NIPAL2: variants seen among roughly 807,000 people sequenced by gnomAD.
NIPAL2 encodes the protein NIPA like domain containing 2, also known as NIPA-like protein 2.
NIPAL2 carries 43 observed loss-of-function variants against 48.9 expected under a neutral mutation model. That is an observed-to-expected ratio of 0.88 (90% CI 0.69 to 1.13). The LOEUF (loss-of-function observed/expected upper bound fraction) is 1.13, where lower values mean the gene tolerates loss of function less well. Among genes scored for constraint, NIPAL2 ranks in the 50% most tolerant of loss-of-function variants. The pLI is 0.00. For synonymous variants in NIPAL2, 167 were observed against 174.6 expected, an observed-to-expected ratio of 0.96 and a Z score of 0.34; for missense variants, 446 against 461.4, an observed-to-expected ratio of 0.97 and a Z score of 0.31.
chr8:98,291,380 T>C (rs1176212937), intron 1 of NIPAL2, among the ~76,000 whole-genome samples: 1 of 152,168 alleles, frequency 6.6e-6, no homozygotes, highest in Non-Finnish European at 1.5e-5. Context: ...TGCCTATCAA[T>C]GAAACCCTGT....
At chr8:98,226,219 G>A (rs149414183) in intron 4 of NIPAL2, among the ~76,000 whole-genome samples, 154 of 152,220 alleles carry the variant, frequency 1.0e-3, no homozygotes, top group African/African-American at 3.4e-3. Flanking sequence ...GGCCCCTGGT[G>A]ACTTATTTAG....
intron 1 of NIPAL2, among the ~76,000 whole-genome samples, chr8:98,292,184 C>T (rs751549965): frequency 3.3e-4 from 50 of 152,198 alleles, no homozygotes; most frequent in Non-Finnish European, 6.2e-4. Context: ...ATATCTCACA[C>T]TTTGTTTTTC....
chr8:98,262,356 C>G (rs1215887338), intron 1 of NIPAL2, among the ~76,000 whole-genome samples: 1 of 147,858 alleles, frequency 6.8e-6, no homozygotes, highest in Admixed American at 6.7e-5. Context: ...GAGTCAAGAC[C>G]CATCAGTGTG....
chr8:98,247,784 T>C (rs566961178), intron 3 of NIPAL2, among the ~76,000 whole-genome samples: 2 of 152,226 alleles, frequency 1.3e-5, no homozygotes, highest in Non-Finnish European at 2.9e-5. Flanking sequence ...GGAAGGCCTC[T>C]TGAGCAAGGG....
intron 3 of NIPAL2, 157 bp from the exon 4 acceptor site, chr8:98,236,371 C>A (rs1407533176): frequency 3.8e-6 from 2 of 529,770 alleles, no homozygotes; most frequent in Admixed American, 4.0e-5. Flanking sequence ...GCCTTTCTTC[C>A]CCCTGTGGCT....
At chr8:98,215,137 T>C (rs1456404573) in intron 5 of NIPAL2, among the ~76,000 whole-genome samples, 1 of 152,248 alleles carries the variant, frequency 6.6e-6, no homozygotes, top group Non-Finnish European at 1.5e-5. Flanking sequence ...TCGATTCTCA[T>C]GCTGATTATT....
intron 4 of NIPAL2, among the ~76,000 whole-genome samples, chr8:98,232,738 G>A (rs1441060304): frequency 7.2e-6 from 1 of 139,698 alleles, no homozygotes; most frequent in African/African-American, 2.7e-5. Context: ...TGATACTAAA[G>A]ACTCACCCTA....
chr8:98,272,405 A>G (rs901214330), intron 1 of NIPAL2, among the ~76,000 whole-genome samples: 5 of 152,134 alleles, frequency 3.3e-5, no homozygotes, highest in Non-Finnish European at 7.4e-5. Flanking sequence ...TCATAGACTG[A>G]GGTGTGGAAA....
chr8:98,192,709 C>T lies in NIPAL2; in HGVS notation c.*269G>A, dbSNP rs1232651000. Reference sequence around the variant, plus strand: ...TGTGCAACATTCCTGCTAGAGCAGCCGGGCTCTGAGTAAGGTGTAGCTGGC... The same window carrying T: ...TGTGCAACATTCCTGCTAGAGCAGCTGGGCTCTGAGTAAGGTGTAGCTGGC... On this transcript the variant is annotated 3_prime_UTR_variant, in exon 11 of 11. Coordinates refer to ENST00000430223, the MANE Select transcript of NIPAL2 (RefSeq NM_001321635.2). The T allele has an allele frequency of 2.8e-5, 12 of 432,526 alleles. No homozygotes were observed. The highest frequency in any genetic ancestry group is 7.8e-5 in the African/African-American group (4 of 51,254). 26.8% of individuals were successfully genotyped at this position (432,526 alleles called of 1,614,324 possible). A position where few individuals can be genotyped will look rare whatever the true frequency, so the allele number is the denominator to read the frequency against.
Position 98,292,673 on chromosome 8 carries a change from T to C in NIPAL2, c.135+1330A>G, listed in dbSNP as rs556308408. On this transcript the variant is annotated intron_variant, in intron 1 of 10. Transcript: ENST00000430223. ...AAGAAAACTAATGACTACAGAGGTT[T>C]CCACTGTGAAAACAATGTCCTGTTT... 1.1e-4 allele frequency among the ~76,000 whole-genome samples: 17 copies of C among 151,660 alleles called. No homozygotes were observed. The East Asian group carries it at 1.5e-3, about 14-fold the overall frequency.
chr8:98,217,982 G>C (rs1811658408), intron 5 of NIPAL2, among the ~76,000 whole-genome samples: 1 of 152,156 alleles, frequency 6.6e-6, no homozygotes, highest in Non-Finnish European at 1.5e-5. Flanking sequence ...TTTAAGAGTT[G>C]ATTTTGGAAA....
chr8:98,215,061 C>A (rs116950920), intron 5 of NIPAL2, among the ~76,000 whole-genome samples: 1 of 152,178 alleles, frequency 6.6e-6, no homozygotes, highest in African/African-American at 2.4e-5. Context: ...GCGTTTGGGC[C>A]GCTGTATTTG....
intron 5 of NIPAL2, among the ~76,000 whole-genome samples, chr8:98,219,940 G>A (rs1811766988): frequency 6.6e-6 from 1 of 152,156 alleles, no homozygotes; most frequent in African/African-American, 2.4e-5. Context: ...AGCTAAGGAA[G>A]TGGACAGGGC....
intron 1 of NIPAL2, among the ~76,000 whole-genome samples, chr8:98,282,352 G>A (rs539931104): frequency 9.5e-4 from 145 of 152,282 alleles, no homozygotes; most frequent in African/African-American, 3.5e-3. Flanking sequence ...AACTAGAGAA[G>A]GATAAGTCCA....
intron 5 of NIPAL2, among the ~76,000 whole-genome samples, chr8:98,214,626 C>T (rs753589345): frequency 6.2e-4 from 94 of 152,098 alleles, no homozygotes; most frequent in South Asian, 1.2e-3. Context: ...CTACCTACAA[C>T]GCCCTCTCTA....
chr8:98,225,691 T>A (rs1812140004), intron 4 of NIPAL2, among the ~76,000 whole-genome samples: 1 of 152,154 alleles, frequency 6.6e-6, no homozygotes, highest in East Asian at 1.9e-4. Context: ...TTGGGTTAAA[T>A]CTGCTCGGTG....
intron 1 of NIPAL2, among the ~76,000 whole-genome samples, chr8:98,267,152 G>C (rs940536215): frequency 6.6e-6 from 1 of 152,080 alleles, no homozygotes; most frequent in African/African-American, 2.4e-5. Flanking sequence ...GAAAATATTT[G>C]TAAGATGTAG....
In NIPAL2 at chr8:98,192,038, A is replaced by G. The variant is rs758513813; in HGVS notation, c.*940T>C. ...AATTTAAATGTGATTTTTTAGACTT[A>G]TATGGAGAATAAGACATATAAATCC... On this transcript the variant is annotated 3_prime_UTR_variant, in exon 11 of 11. Coordinates refer to ENST00000430223, the MANE Select transcript of NIPAL2 (RefSeq NM_001321635.2). The G allele has an allele frequency of 9.9e-5, 15 of 152,192 alleles. No individual in the cohort carries two copies. The highest frequency in any genetic ancestry group is 2.1e-4 in the Non-Finnish European group (14 of 68,048). 9.4% of individuals were successfully genotyped at this position (152,192 alleles called of 1,614,324 possible). A position where few individuals can be genotyped will look rare whatever the true frequency, so the allele number is the denominator to read the frequency against.
At chr8:98,212,318 G>A in intron 6 of NIPAL2, 87 bp downstream of exon 6, 1 of 694,644 alleles carries the variant, frequency 1.4e-6, no homozygotes, top group Non-Finnish European at 2.5e-6. Context: ...TGAGAAAGGA[G>A]TAGAATGCTT....
Sources: gnomAD v4.1 joint callset for allele counts (sites outside exome capture counted in the v4.1 genomes callset) on GRCh38, gnomAD v4.1.1 for gene constraint, MANE v1.5 for transcripts, NCBI Gene and HGNC (gene_info 2026-07-23, HGNC 2026-07-21) for gene names.